NRG2: variants seen among roughly 807,000 people sequenced by gnomAD.
The protein encoded by NRG2 is neuregulin 2, also known as pro-neuregulin-2, membrane-bound isoform.
In NRG2, 27 loss-of-function variants were observed where a neutral mutation model predicts 73.9. That is an observed-to-expected ratio of 0.37 (90% CI 0.27 to 0.50). The LOEUF is 0.50. NRG2 is among the 20% of genes least tolerant of loss of function. NRG2 has a pLI of 0.96. For synonymous variants in NRG2, 532 were observed against 541.0 expected, an observed-to-expected ratio of 0.98 and a Z score of 0.23; for missense variants, 1,126 against 1,210.1, an observed-to-expected ratio of 0.93 and a Z score of 1.03.
intron 1 of NRG2, chr5:140,019,425 G>A (rs1760046249): frequency 1.3e-5 from 2 of 152,256 alleles, no homozygotes; most frequent in South Asian, 2.1e-4. Flanking sequence ...TAATTCGTAA[G>A]AGCAAATAAT....
chr5:140,021,668 C>A (rs1760238363), intron 1 of NRG2, among the ~76,000 whole-genome samples: 1 of 152,144 alleles, frequency 6.6e-6, no homozygotes, highest in Admixed American at 6.5e-5. Flanking sequence ...CCATGGGATT[C>A]CTGAATACAC....
At position 139,915,416 on chromosome 5, in the gene NRG2, G is replaced by A. The variant is rs1371072665; in HGVS notation, c.701-27905C>T. On this transcript the variant is annotated intron_variant, in intron 1 of 9. Coordinates refer to ENST00000361474, the MANE Select transcript of NRG2 (RefSeq NM_004883.3). This position sits in a 1 kb window ranked among gnomAD's most constrained non-coding sequence, Gnocchi z 4.0. ...TTTCCAGCCTCTGTAAGGAAGTGGC[G>A]CCAGCTAAGCTGCCAAGACTTGACA... Among the ~76,000 whole-genome samples the A allele has an allele frequency of 2.6e-5, 4 of 152,124 alleles. No individual in the cohort carries two copies. The highest frequency in any genetic ancestry group is 1.9e-4 in the East Asian group (1 of 5,196).
chr5:139,850,604 GT>G (rs1761356999), intron 9 of NRG2, among the ~76,000 whole-genome samples: 1 of 152,226 alleles, frequency 6.6e-6, no homozygotes, highest in Non-Finnish European at 1.5e-5. Context: ...CTGGTGTGGA[GT>G]TTTTAGTACC....
chr5:139,883,432 A>G (rs1177472491), intron 2 of NRG2, among the ~76,000 whole-genome samples: 2 of 150,266 alleles, frequency 1.3e-5, no homozygotes, highest in Non-Finnish European at 3.0e-5. Context: ...TTGGGGGGGC[A>G]GTTTGCTCCT....
At position 140,019,080 on chromosome 5, in the gene NRG2, A is replaced by T. The variant is rs1009090511; in HGVS notation, c.700+23290T>A. The stretch of plus-strand genomic sequence containing the variant: ...TAACACTTAGCAGGCTGCCTATAAT[A>T]AGCAAATGACATAAGAAAAATAAAC... On this transcript the variant is annotated intron_variant, in intron 1 of 9. Transcript: ENST00000361474. Among the ~76,000 whole-genome samples, 131 of 152,314 alleles carry T rather than the reference A, an allele frequency of 8.6e-4. 2 individuals are homozygous for T. Among genetic ancestry groups the T allele is most frequent in the South Asian group, 2.1e-4 (1 of 4,826 alleles).
At chr5:140,039,217 A>G (rs1761729893) in intron 1 of NRG2, among the ~76,000 whole-genome samples, 1 of 152,238 alleles carries the variant, frequency 6.6e-6, no homozygotes, top group Non-Finnish European at 1.5e-5. Context: ...GAATATAAGA[A>G]AACAACAAGA....
At chr5:139,941,425 G>A (rs1753394899) in intron 1 of NRG2, among the ~76,000 whole-genome samples, 1 of 152,074 alleles carries the variant, frequency 6.6e-6, no homozygotes, top group Admixed American at 6.6e-5. Context: ...AATCTAGTGT[G>A]TCTTACTGTC....
intron 1 of NRG2, among the ~76,000 whole-genome samples, chr5:139,945,919 T>A (rs1009497471): frequency 6.6e-6 from 1 of 151,950 alleles, no homozygotes; most frequent in African/African-American, 2.4e-5. Context: ...AAGTGCAAAA[T>A]GTAAACTCTG....
chr5:139,922,706 C>T, intron 1 of NRG2, among the ~76,000 whole-genome samples: 1 of 152,140 alleles, frequency 6.6e-6, no homozygotes, highest in East Asian at 1.9e-4. Context: ...ACCAAGATGT[C>T]CTTCAGTAGA....
At chr5:140,030,560 G>T (rs186890808) in intron 1 of NRG2, among the ~76,000 whole-genome samples, 1 of 152,298 alleles carries the variant, frequency 6.6e-6, no homozygotes, top group African/African-American at 2.4e-5. Flanking sequence ...TCCAGCTCCC[G>T]CTTGCCCTTT....
intron 1 of NRG2, among the ~76,000 whole-genome samples, chr5:139,983,998 G>A (rs67151903): frequency 0.064 from 9,681 of 152,256 alleles, 413 homozygotes; most frequent in South Asian, 0.11. Context: ...TCACAGAAAT[G>A]TCTCAACTGC....
At chr5:139,985,932 G>C (rs1757142098) in intron 1 of NRG2, among the ~76,000 whole-genome samples, 1 of 152,170 alleles carries the variant, frequency 6.6e-6, no homozygotes, top group East Asian at 1.9e-4. Context: ...CAGTGAGTCA[G>C]TGTGCAAGCC....
In NRG2 at chr5:139,853,149, G is replaced by A. The variant is rs1436230029; in HGVS notation, c.1293-122C>T. 16 of 1,334,854 alleles carry A rather than the reference G, an allele frequency of 1.2e-5. No individual in the cohort carries two copies. The highest frequency in any genetic ancestry group is 2.0e-4 in the Middle Eastern group (1 of 5,078). 82.7% of individuals were successfully genotyped at this position (1,334,854 alleles called of 1,614,324 possible). On this transcript the variant is annotated intron_variant, in intron 6 of 9. Transcript: ENST00000361474. The surrounding 1 kb of genome is among the most constrained non-coding windows in gnomAD (Gnocchi z 4.1). ...CCCAGGGTGGCCATGGCTACTGCTC[G>A]TCCCTGTACTCAAGCTGCCCTACAG...
At chr5:139,899,392 A>T (rs1764738308) in intron 1 of NRG2, among the ~76,000 whole-genome samples, 1 of 152,228 alleles carries the variant, frequency 6.6e-6, no homozygotes, top group Non-Finnish European at 1.5e-5. Flanking sequence ...TGGTGCTTTA[A>T]ATCAGGTTCC....
chr5:139,909,514 C>T (rs1362250964), intron 1 of NRG2, among the ~76,000 whole-genome samples: 2 of 152,218 alleles, frequency 1.3e-5, no homozygotes, highest in South Asian at 4.1e-4. Context: ...AACCCACTCT[C>T]TCCATCCCAG....
intron 3 of NRG2, among the ~76,000 whole-genome samples, chr5:139,874,089 C>G (rs1763025844): frequency 1.3e-5 from 2 of 152,360 alleles, no homozygotes; most frequent in African/African-American, 4.8e-5. Flanking sequence ...TCCCAAGATA[C>G]TGCAGCCCAA....
chr5:139,848,370 C>T lies in NRG2; in HGVS notation c.2100G>A (p.Leu700=). ...TCALGGSLGS[L]PASPFRIPED... ...CGGGGATGCGGAAGGGGCTGGCAGG[C>T]AGGCTGCCCAGGCTGCCGCCGAGCG... is the stretch of plus-strand genomic sequence containing the variant. The change falls in exon 10 of 10, where the codon CTG becomes CTA. Residue 700 remains leucine, a synonymous_variant. Transcript: ENST00000361474. 8.1e-7 allele frequency: 1 copy of T among 1,240,574 alleles called. No individual in the cohort carries two copies. The highest frequency in any genetic ancestry group is 1.0e-6 in the Non-Finnish European group (1 of 997,442). The allele number at this position is 1,240,574 out of a possible 1,614,324, so 76.8% of individuals were successfully genotyped here. A position where few individuals can be genotyped will look rare whatever the true frequency, so the allele number is the denominator to read the frequency against.
intron 1 of NRG2, among the ~76,000 whole-genome samples, chr5:139,914,890 T>C (rs1412882745): frequency 6.6e-6 from 1 of 152,148 alleles, no homozygotes; most frequent in Non-Finnish European, 1.5e-5. Context: ...CTGGCTCCAC[T>C]TAGGTGGGGG....
chr5:139,965,868 G>C lies in NRG2; in HGVS notation c.700+76502C>G, dbSNP rs1216780059. Reference sequence around the variant, plus strand: ...ACAGCCTTTGCAGAGGGAGAGGTGTGCTAGCCAGGGGGAGAGGGGATTGTG... The same window carrying C: ...ACAGCCTTTGCAGAGGGAGAGGTGTCCTAGCCAGGGGGAGAGGGGATTGTG... On this transcript the variant is annotated intron_variant, in intron 1 of 9. Transcript: ENST00000361474. Among the ~76,000 whole-genome samples, 7 of 152,306 alleles carry C rather than the reference G, an allele frequency of 4.6e-5. No individual in the cohort carries two copies. In the East Asian group the frequency reaches 1.4e-3, roughly 29 times the overall value.
Sources: gnomAD v4.1 joint callset for allele counts (sites outside exome capture counted in the v4.1 genomes callset) on GRCh38, gnomAD v4.1.1 for gene constraint, Gnocchi (gnomAD v3.1) non-coding constraint, MANE v1.5 for transcripts, NCBI Gene and HGNC (gene_info 2026-07-23, HGNC 2026-07-21) for gene names.